GPR158: variants seen among roughly 807,000 people sequenced by gnomAD.
GPR158 encodes metabotropic glycine receptor.
GPR158 carries 30 observed loss-of-function variants against 78.2 expected under a neutral mutation model. That is an observed-to-expected ratio of 0.38 (90% CI 0.29 to 0.52). GPR158 has a LOEUF of 0.52. Among genes scored for constraint, GPR158 ranks in the 20% least tolerant of loss-of-function variants. The pLI is 0.83. For synonymous variants in GPR158, 581 were observed against 591.1 expected, an observed-to-expected ratio of 0.98 and a Z score of 0.25; for missense variants, 1,463 against 1,523.5, an observed-to-expected ratio of 0.96 and a Z score of 0.66.
intron 2 of GPR158, among the ~76,000 whole-genome samples, chr10:25,386,196 C>A (rs1310013601): frequency 6.6e-6 from 1 of 152,086 alleles, no homozygotes; most frequent in African/African-American, 2.4e-5. Context: ...TTCCAAATAC[C>A]ACCTGTTGAA....
chr10:25,373,000 C>T (rs545057998), intron 2 of GPR158, among the ~76,000 whole-genome samples: 8 of 151,912 alleles, frequency 5.3e-5, no homozygotes, highest in African/African-American at 1.9e-4. Flanking sequence ...ACATGCATGC[C>T]TATGTTCATT....
intron 2 of GPR158, among the ~76,000 whole-genome samples, chr10:25,250,839 C>T (rs1267143780): frequency 6.6e-6 from 1 of 151,080 alleles, no homozygotes; most frequent in Non-Finnish European, 1.5e-5. Flanking sequence ...CCGCTTGGTG[C>T]AGAGCTGAGT....
chr10:25,591,191 G>C (rs1295049677), intron 8 of GPR158, among the ~76,000 whole-genome samples: 1 of 152,034 alleles, frequency 6.6e-6, no homozygotes, highest in African/African-American at 2.4e-5. Context: ...CTCCTTTTCA[G>C]AGTGTCACAA....
At chr10:25,486,742 T>C (rs546138301) in intron 5 of GPR158, among the ~76,000 whole-genome samples, 1 of 152,204 alleles carries the variant, frequency 6.6e-6, no homozygotes, top group East Asian at 1.9e-4. Flanking sequence ...CCGTAGCTTT[T>C]CAAACTATAT....
intron 5 of GPR158, among the ~76,000 whole-genome samples, chr10:25,533,323 TAAG>T (rs1836449903): frequency 6.6e-6 from 1 of 152,086 alleles, no homozygotes; most frequent in Non-Finnish European, 1.5e-5. Context: ...CTGTTAACCT[TAAG>T]AAAAAAATCA....
At chr10:25,241,253 TCTTTC>T (rs1179242722) in intron 2 of GPR158, among the ~76,000 whole-genome samples, 1 of 137,524 alleles carries the variant, frequency 7.3e-6, no homozygotes, top group Non-Finnish European at 1.5e-5. Context: ...TTCTTTCCTT[TCTTTC>T]CTTTCTTTCT....
At chr10:25,187,033 C>T (rs188618420) in intron 1 of GPR158, among the ~76,000 whole-genome samples, 109 of 145,596 alleles carry the variant, frequency 7.5e-4, no homozygotes, top group African/African-American at 2.6e-3. Flanking sequence ...GGGGCGATCT[C>T]GGCTCACTGC....
intron 2 of GPR158, among the ~76,000 whole-genome samples, chr10:25,354,284 G>A (rs1437135681): frequency 1.3e-5 from 2 of 151,708 alleles, no homozygotes; most frequent in African/African-American, 2.4e-5. Flanking sequence ...GAACTGGAGA[G>A]GTGGAGGTTG....
At chr10:25,579,733 G>C (rs938503722) in intron 7 of GPR158, among the ~76,000 whole-genome samples, 1 of 152,196 alleles carries the variant, frequency 6.6e-6, no homozygotes, top group Non-Finnish European at 1.5e-5. Context: ...CCAGGCAAGC[G>C]CTGAGCTGTT....
chr10:25,278,760 A>G (rs1330371000), intron 2 of GPR158, among the ~76,000 whole-genome samples: 1 of 151,538 alleles, frequency 6.6e-6, no homozygotes, highest in Non-Finnish European at 1.5e-5. Flanking sequence ...AAGTATTTAA[A>G]TAATTAATAA....
At chr10:25,214,793 A>G (rs1853183786) in intron 1 of GPR158, among the ~76,000 whole-genome samples, 1 of 151,974 alleles carries the variant, frequency 6.6e-6, no homozygotes, top group African/African-American at 2.4e-5. Context: ...TGAAGACACA[A>G]GGAGAAGATG....
intron 5 of GPR158, among the ~76,000 whole-genome samples, chr10:25,500,743 G>A (rs1489243179): frequency 1.3e-5 from 2 of 152,192 alleles, no homozygotes; most frequent in Middle Eastern, 3.2e-3. Context: ...TAGACAGCGT[G>A]AAGTAACTGA....
intron 5 of GPR158, among the ~76,000 whole-genome samples, chr10:25,471,603 C>T (rs1264970323): frequency 6.6e-6 from 1 of 152,162 alleles, no homozygotes; most frequent in Non-Finnish European, 1.5e-5. Flanking sequence ...TCCTATTTCT[C>T]CATATCCTTT....
intron 2 of GPR158, among the ~76,000 whole-genome samples, chr10:25,243,637 A>G (rs61571782): frequency 0.021 from 3,188 of 152,298 alleles, 114 homozygotes; most frequent in African/African-American, 0.073. Flanking sequence ...TTCTCATAGC[A>G]TGCAGTATGT....
intron 5 of GPR158, among the ~76,000 whole-genome samples, chr10:25,548,993 C>T (rs900706207): frequency 1.3e-5 from 2 of 152,062 alleles, no homozygotes; most frequent in African/African-American, 4.8e-5. Context: ...ATGCAGACTT[C>T]TATATTACAG....
chr10:25,396,323 A>G (rs1453914720), intron 3 of GPR158, among the ~76,000 whole-genome samples: 1 of 152,220 alleles, frequency 6.6e-6, no homozygotes, highest in East Asian at 1.9e-4. Context: ...GAAAGTTCCT[A>G]AAACTAATTT....
At chr10:25,424,829 C>A (rs1834797119) in intron 4 of GPR158, among the ~76,000 whole-genome samples, 1 of 152,142 alleles carries the variant, frequency 6.6e-6, no homozygotes, top group Non-Finnish European at 1.5e-5. Flanking sequence ...ATGCCTCCAG[C>A]TTTGTTCTTT....
chr10:25,361,624 C>T (rs1029862290), intron 2 of GPR158, among the ~76,000 whole-genome samples: 1 of 151,900 alleles, frequency 6.6e-6, no homozygotes, highest in Non-Finnish European at 1.5e-5. Context: ...TTGATAGTAG[C>T]TATACTAATG....
At chr10:25,235,629 T>C (rs1367044973) in intron 2 of GPR158, among the ~76,000 whole-genome samples, 1 of 152,018 alleles carries the variant, frequency 6.6e-6, no homozygotes, top group Non-Finnish European at 1.5e-5. Context: ...AACCTTTTCA[T>C]GTCTCAAATT....
Sources: gnomAD v4.1 joint callset for allele counts (sites outside exome capture counted in the v4.1 genomes callset) on GRCh38, gnomAD v4.1.1 for gene constraint, MANE v1.5 for transcripts, NCBI Gene and HGNC (gene_info 2026-07-23, HGNC 2026-07-21) for gene names.